The following CCDC73 variants were observed in gnomAD, a reference collection of about 807,000 sequenced individuals.
CCDC73 encodes coiled-coil domain-containing protein 73.
Under a neutral mutation model 116.5 loss-of-function variants are expected in CCDC73, and 95 were observed. That is an observed-to-expected ratio of 0.82 (90% confidence interval 0.69 to 0.97). The LOEUF is 0.97. CCDC73 is among the 50% of genes least tolerant of loss of function. The probability of loss-of-function intolerance (pLI) is 0.00; values close to 1 mark genes in which losing one functional copy is unlikely to be tolerated. For synonymous variants in CCDC73, 398 were observed against 401.3 expected, an observed-to-expected ratio of 0.99 and a Z score of 0.10; for missense variants, 1,066 against 1,206.8, an observed-to-expected ratio of 0.88 and a Z score of 1.73.
At chr11:32,632,574 T>C (rs1459088561) in intron 14 of CCDC73, among the ~76,000 whole-genome samples, 1 of 152,104 alleles carries the variant, frequency 6.6e-6, no homozygotes, top group East Asian at 1.9e-4. Context: ...TTAGTTGGTA[T>C]TGTCCAAGTC....
intron 2 of CCDC73, among the ~76,000 whole-genome samples, chr11:32,743,423 GA>G (rs1296620383): frequency 6.6e-6 from 1 of 152,148 alleles, no homozygotes; most frequent in Non-Finnish European, 1.5e-5. Context: ...ACCTGCTCCT[GA>G]ATGACTGCTG....
At chr11:32,683,746 T>C (rs114438660) in intron 6 of CCDC73, among the ~76,000 whole-genome samples, 172 bp from the exon 7 acceptor site, 2,610 of 152,264 alleles carry the variant, frequency 0.017, 89 homozygotes, top group African/African-American at 0.059. Flanking sequence ...TTTCCTAGAC[T>C]CCTGGAATAT....
intron 8 of CCDC73, 44 bp downstream of exon 8, chr11:32,675,842 A>G: frequency 6.8e-7 from 1 of 1,476,490 alleles, no homozygotes. Flanking sequence ...GTCCATTCAA[A>G]CATTCTCTAC....
chr11:32,766,057 C>A (rs184202124), intron 1 of CCDC73, among the ~76,000 whole-genome samples: 18 of 152,204 alleles, frequency 1.2e-4, no homozygotes, highest in Admixed American at 5.2e-4. Context: ...AAAAATCCTC[C>A]ATAAAATACT....
intron 6 of CCDC73, among the ~76,000 whole-genome samples, chr11:32,695,282 T>C (rs892092121): frequency 2.0e-5 from 3 of 150,630 alleles, no homozygotes; most frequent in Admixed American, 6.7e-5. Context: ...GGCAGGAGAA[T>C]CGCTTGAACC....
At chr11:32,709,585 C>CA (rs1476559643) in intron 3 of CCDC73, among the ~76,000 whole-genome samples, 2 of 152,114 alleles carry the variant, frequency 1.3e-5, no homozygotes, top group Non-Finnish European at 2.9e-5. Context: ...TGTGAGCCAC[C>CA]ATGCACAGCC....
At chr11:32,639,598 A>G (rs935036587) in intron 13 of CCDC73, among the ~76,000 whole-genome samples, 1 of 151,870 alleles carries the variant, frequency 6.6e-6, no homozygotes, top group Non-Finnish European at 1.5e-5. Context: ...ACAGGTGCCC[A>G]CCACCACGCC....
rs1849960320 is a variant in CCDC73 at position 32,718,010 on chromosome 11, G to A, written c.207+66C>T. 3.6e-6 allele frequency: 4 copies of A among 1,104,944 alleles called. No homozygotes were observed. The Admixed American group carries it at 7.9e-5, about 22-fold the overall frequency. The allele number at this position is 1,104,944 out of a possible 1,614,324, so 68.4% of individuals were successfully genotyped here. ...CCTTGTCTCTCCCTTGACACGTGGG[G>A]GTTACGGGGATTACAATTCAAGATG... On this transcript the variant is annotated intron_variant, in intron 3 of 17. Transcript: ENST00000335185.
chr11:32,699,072 A>C (rs1849786484), intron 6 of CCDC73, among the ~76,000 whole-genome samples, 179 bp downstream of exon 6: 1 of 151,792 alleles, frequency 6.6e-6, no homozygotes, highest in Non-Finnish European at 1.5e-5. Context: ...TTAAAATAAA[A>C]TATGGTAAAG....
intron 2 of CCDC73, among the ~76,000 whole-genome samples, chr11:32,736,091 T>C (rs1850126914): frequency 6.6e-6 from 1 of 152,150 alleles, no homozygotes; most frequent in Non-Finnish European, 1.5e-5. Flanking sequence ...ATTCAGGACA[T>C]AGGCATGGGC....
intron 2 of CCDC73, among the ~76,000 whole-genome samples, chr11:32,756,599 G>C (rs969151300): frequency 2.0e-5 from 3 of 150,344 alleles, no homozygotes; most frequent in Non-Finnish European, 4.4e-5. Context: ...TATTTATTTA[G>C]TCATTACCCT....
chr11:32,808,273 T>G, the CCDC73 span, among the ~76,000 whole-genome samples: 4 of 152,138 alleles, frequency 2.6e-5, no homozygotes, highest in African/African-American at 7.2e-5. Context: ...TAACCAATTA[T>G]AAGAAAAAAA....
chr11:32,684,003 T>C (rs549159622), intron 6 of CCDC73, among the ~76,000 whole-genome samples: 5 of 152,190 alleles, frequency 3.3e-5, no homozygotes, highest in African/African-American at 1.2e-4. Context: ...CATCTCACAA[T>C]CCACAGATAA....
intron 12 of CCDC73, among the ~76,000 whole-genome samples, chr11:32,642,910 C>T (rs1451692272): frequency 6.6e-6 from 1 of 151,532 alleles, no homozygotes; most frequent in Non-Finnish European, 1.5e-5. Context: ...GTTTTCCACC[C>T]CAGAAGTAAC....
In CCDC73 at chr11:32,614,459, G is replaced by A. The variant is rs1477096823; in HGVS notation, c.1859C>T (p.Thr620Ile). ...TREHALEKEI[T>I]NSDQTKADLD... ...ATCTGCTTTGGTTTGGTCACTATTTGTAATTTCCTTCTCTAGAGCATGTTC... is the reference window on the plus strand; with the variant it reads ...ATCTGCTTTGGTTTGGTCACTATTTATAATTTCCTTCTCTAGAGCATGTTC... Residue 620 changes from threonine to isoleucine, a missense_variant, in exon 16 of 18, where the codon ACA becomes ATA. By Grantham distance (89) the Thr-to-Ile change is moderately conservative. Transcript: ENST00000335185. 1.2e-6 allele frequency: 2 copies of A among 1,613,352 alleles called. No individual in the cohort carries two copies. The highest frequency in any genetic ancestry group is 3.3e-5 in the Admixed American group (2 of 59,930).
In CCDC73 at chr11:32,711,641, G is replaced by T. The variant is rs146405590; in HGVS notation, c.207+6435C>A. The stretch of plus-strand genomic sequence containing the variant: ...GCTGGGAGAGGGGTGAGGGATAAAA[G>T]AATACACACTGGGTACAGTGTAGAC... On this transcript the variant is annotated intron_variant, in intron 3 of 17. Transcript: ENST00000335185. Among the ~76,000 whole-genome samples the T allele has an allele frequency of 7.2e-3, 1,094 of 152,264 alleles. 12 individuals are homozygous for T. Among genetic ancestry groups the T allele is most frequent in the African/African-American group, 0.024 (1,012 of 41,564 alleles).
chr11:32,808,796 AAT>A, the CCDC73 span, among the ~76,000 whole-genome samples: 2 of 152,386 alleles, frequency 1.3e-5, no homozygotes, highest in Admixed American at 6.5e-5. Flanking sequence ...ATTATGAAAT[AAT>A]ATATGTTAAT....
rs1323505891 is a variant in CCDC73, at chr11:32,624,348, A to AT, written c.1186-8220_1186-8219insA. On this transcript the variant is annotated intron_variant, in intron 14 of 17. Transcript: ENST00000335185. ...GACTCCATCTCCAAATAAAAAATAA[A>AT]AAAATAAATAAATAAATAAATTATA... Among the ~76,000 whole-genome samples, 1,077 of 152,120 alleles carry AT rather than the reference A, an allele frequency of 7.1e-3. 17 individuals are homozygous for AT. The highest frequency in any genetic ancestry group is 0.025 in the African/African-American group (1,038 of 41,504).
chr11:32,688,862 T>A (rs1208784930), intron 6 of CCDC73, among the ~76,000 whole-genome samples: 2 of 152,058 alleles, frequency 1.3e-5, no homozygotes, highest in Non-Finnish European at 2.9e-5. Context: ...AAAAGAAAGA[T>A]AAGGAAATTG....
Sources: allele counts gnomAD v4.1 joint callset (sites outside exome capture counted in the v4.1 genomes callset), GRCh38; gene constraint gnomAD v4.1.1; transcripts MANE v1.5; gene names NCBI Gene and HGNC (gene_info 2026-07-23, HGNC 2026-07-21).